Variants in CIT observed in about 807,000 individuals in gnomAD.
The protein encoded by CIT is citron Rho-interacting kinase.
CIT carries 79 observed loss-of-function variants against 272.7 expected under a neutral mutation model. The ratio of observed to expected loss-of-function variants is 0.29; its 90% CI spans 0.24 to 0.35. The LOEUF (loss-of-function observed/expected upper bound fraction) is 0.35, where lower values mean the gene tolerates loss of function less well. Ranked by LOEUF, CIT falls within the 10% of genes least tolerant of loss-of-function variation. The probability of loss-of-function intolerance (pLI) is 1.00; values close to 1 mark genes in which losing one functional copy is unlikely to be tolerated. For missense variants in CIT, 1,909 were observed against 2,618.3 expected (o/e 0.73, Z 5.91); for synonymous variants, 948 against 995.6 (o/e 0.95, Z 0.90).
At chr12:119,727,537 C>A (rs543531500) in intron 28 of CIT, among the ~76,000 whole-genome samples, 2 of 152,136 alleles carry the variant, frequency 1.3e-5, no homozygotes, top group South Asian at 2.1e-4. Flanking sequence ...CACGAAAAGC[C>A]CAGACTTCAC....
intron 9 of CIT, among the ~76,000 whole-genome samples, chr12:119,814,898 C>T (rs957119354): frequency 6.6e-6 from 1 of 151,970 alleles, no homozygotes; most frequent in Admixed American, 6.6e-5. Flanking sequence ...ATTAGCCAGG[C>T]GTGGTGGCGC....
At chr12:119,812,299 C>T (rs1307721650) in intron 9 of CIT, among the ~76,000 whole-genome samples, 2 of 152,136 alleles carry the variant, frequency 1.3e-5, no homozygotes, top group Non-Finnish European at 2.9e-5. Context: ...TCAGCACCTG[C>T]TTGCTGTAGG....
intron 4 of CIT, among the ~76,000 whole-genome samples, chr12:119,853,604 T>C (rs568365607): frequency 6.6e-5 from 10 of 152,298 alleles, no homozygotes; most frequent in African/African-American, 2.2e-4. Context: ...TATTAAACTA[T>C]TAAATGTTTT....
rs73414104 is a variant in CIT, at chr12:119,721,640, A to T, written c.3592-191T>A. On this transcript the variant is annotated intron_variant, in intron 28 of 47. Coordinates refer to ENST00000392521, the MANE Select transcript of CIT (RefSeq NM_001206999.2). ...GCACAGTTAAAATGAATTTGCACAG[A>T]AACCTCTGCTGGCCAACAAGTCCGA... Among the ~76,000 whole-genome samples, 1,831 of 152,316 alleles carry T rather than the reference A, an allele frequency of 0.012. 41 individuals are homozygous for T. The highest frequency in any genetic ancestry group is 0.042 in the African/African-American group (1,735 of 41,552).
At chr12:119,707,379 G>T (rs538973916) in intron 40 of CIT, among the ~76,000 whole-genome samples, 14 of 152,210 alleles carry the variant, frequency 9.2e-5, no homozygotes, top group Admixed American at 2.0e-4. Context: ...GTACAATTGT[G>T]AAAGTTGTCA....
At chr12:119,742,142 G>C (rs773941919) in intron 24 of CIT, among the ~76,000 whole-genome samples, 2 of 152,084 alleles carry the variant, frequency 1.3e-5, no homozygotes, top group African/African-American at 2.4e-5. Context: ...AAACCTATTA[G>C]TTGTTCCACT....
intron 46 of CIT, among the ~76,000 whole-genome samples, chr12:119,695,083 C>A (rs78626901): frequency 0.012 from 1,774 of 152,240 alleles, 23 homozygotes; most frequent in Non-Finnish European, 0.016. Flanking sequence ...CCACACTGAA[C>A]AAGCATGTTG....
At chr12:119,740,914 ACAGACCAAAAAACTGGTCTGT>A (rs1167335003) in intron 24 of CIT, among the ~76,000 whole-genome samples, 1 of 152,170 alleles carries the variant, frequency 6.6e-6, no homozygotes, top group Non-Finnish European at 1.5e-5. Flanking sequence ...ATCAGGAAAT[ACAGACCAAAAAACTGGTCTGT>A]CAGTTCCCTA....
chr12:119,738,080 T>C (rs2952403), intron 24 of CIT, among the ~76,000 whole-genome samples: 67,642 of 152,042 alleles, frequency 0.44, 16,011 homozygotes, highest in Admixed American at 0.55. Context: ...GATGGGGAAA[T>C]TGGGGAAACA....
intron 3 of CIT, among the ~76,000 whole-genome samples, chr12:119,862,376 G>A (rs986742317): frequency 1.1e-3 from 164 of 152,060 alleles, no homozygotes; most frequent in African/African-American, 3.9e-3. Flanking sequence ...ACACTATACA[G>A]CAATCTGTTG....
chr12:119,778,405 G>T (rs767008791), intron 13 of CIT, among the ~76,000 whole-genome samples: 1 of 152,122 alleles, frequency 6.6e-6, no homozygotes, highest in African/African-American at 2.4e-5. Context: ...TGTGGGGTGA[G>T]GACGAGAGAG....
chr12:119,864,471 G>A (rs1286458787), intron 3 of CIT, among the ~76,000 whole-genome samples: 1 of 152,140 alleles, frequency 6.6e-6, no homozygotes, highest in African/African-American at 2.4e-5. Context: ...AAGTAGCTGG[G>A]ACCACAGATG....
chr12:119,814,080 C>T (rs1200234063), intron 9 of CIT, among the ~76,000 whole-genome samples: 1 of 152,176 alleles, frequency 6.6e-6, no homozygotes. Flanking sequence ...TATCCTCATA[C>T]TCCTTTCATC....
rs764950384 is a variant in CIT, at chr12:119,850,134, G to A, written c.516+40C>T. 6 of 1,241,790 alleles carry A rather than the reference G, an allele frequency of 4.8e-6. No individual in the cohort carries two copies. In the East Asian group the frequency reaches 7.0e-5, roughly 14 times the overall value. 76.9% of individuals were successfully genotyped at this position (1,241,790 alleles called of 1,614,324 possible). On this transcript the variant is annotated intron_variant, in intron 5 of 47. Coordinates refer to ENST00000392521, the MANE Select transcript of CIT (RefSeq NM_001206999.2). ...CTACCACAGGCATCTGAGTGTCAGA[G>A]TGCTAGGCTAATTCCAGAGAGACAG...
chr12:119,858,028 A>G (rs562829992), intron 3 of CIT, among the ~76,000 whole-genome samples: 1 of 152,308 alleles, frequency 6.6e-6, no homozygotes, highest in East Asian at 1.9e-4. Flanking sequence ...TTGGTCAAGC[A>G]TGCTTATTAG....
intron 1 of CIT, 134 bp downstream of exon 1, chr12:119,877,115 C>T (rs1950876785): frequency 6.6e-6 from 1 of 152,244 alleles, no homozygotes; most frequent in Admixed American, 6.5e-5. Flanking sequence ...CCAGGCCTCC[C>T]GCAGCCCTGG....
intron 7 of CIT, among the ~76,000 whole-genome samples, chr12:119,831,724 C>G (rs1968648607): frequency 6.6e-6 from 1 of 152,124 alleles, no homozygotes; most frequent in African/African-American, 2.4e-5. Context: ...AAAAAATTAG[C>G]TGGGCATGGT....
At chr12:119,791,252 A>G (rs1211346305) in intron 10 of CIT, among the ~76,000 whole-genome samples, 3 of 152,188 alleles carry the variant, frequency 2.0e-5, no homozygotes, top group Non-Finnish European at 4.4e-5. Flanking sequence ...GGGCAAGGTC[A>G]TGGAGGAAAG....
intron 27 of CIT, among the ~76,000 whole-genome samples, chr12:119,729,030 C>T (rs1958284712): frequency 6.6e-6 from 1 of 152,158 alleles, no homozygotes; most frequent in Admixed American, 6.5e-5. Flanking sequence ...ATAATGACTG[C>T]TCTGTCAGCT....
Sources: gnomAD v4.1 joint callset for allele counts (sites outside exome capture counted in the v4.1 genomes callset) on GRCh38, gnomAD v4.1.1 for gene constraint, MANE v1.5 for transcripts, NCBI Gene and HGNC (gene_info 2026-07-23, HGNC 2026-07-21) for gene names.